The following RANBP2 variants were observed in gnomAD, a reference collection of about 807,000 sequenced individuals.
RANBP2 encodes E3 SUMO-protein ligase RanBP2.
In RANBP2, 57 loss-of-function variants were observed where a neutral mutation model predicts 303.6. The observed-to-expected ratio is 0.19, with a 90% CI of 0.15 to 0.23. The LOEUF is 0.23. Ranked by LOEUF, RANBP2 falls within the 10% of genes least tolerant of loss-of-function variation. RANBP2 has a pLI of 1.00. For missense variants in RANBP2, 3,138 were observed against 3,780.8 expected (o/e 0.83, Z 4.46); for synonymous variants, 1,167 against 1,301.5 (o/e 0.90, Z 2.23).
the RANBP2 span, chr2:109,399,026 T>C: frequency 7.2e-7 from 1 of 1,396,264 alleles, no homozygotes; most frequent in South Asian, 1.4e-5. Flanking sequence ...CCCCCGTTCC[T>C]CAACTAGCAT....
chr2:109,044,834 C>G, the RANBP2 span, among the ~76,000 whole-genome samples: 2 of 152,086 alleles, frequency 1.3e-5, no homozygotes, highest in African/African-American at 4.8e-5. Context: ...ATCTGAAAAG[C>G]AGGGCTTTAA....
the RANBP2 span, among the ~76,000 whole-genome samples, chr2:109,418,792 C>G: frequency 1.3e-5 from 2 of 152,196 alleles, no homozygotes; most frequent in Non-Finnish European, 2.9e-5. Flanking sequence ...AGGACACTGT[C>G]CTAGGGAAGG....
At chr2:108,794,558 C>A in the RANBP2 span, 2 of 1,609,542 alleles carry the variant, frequency 1.2e-6, no homozygotes, top group East Asian at 2.2e-5. Context: ...CCAACTAATA[C>A]GACCTCATCG....
At chr2:109,184,440 G>A in the RANBP2 span, among the ~76,000 whole-genome samples, 1 of 152,232 alleles carries the variant, frequency 6.6e-6, no homozygotes, top group Non-Finnish European at 1.5e-5. Flanking sequence ...TGCTATTGCT[G>A]TGGCGGGGCC....
At chr2:109,501,548 C>T in the RANBP2 span, 47 of 779,396 alleles carry the variant, frequency 6.0e-5, no homozygotes, top group South Asian at 4.5e-4. Context: ...AGGCGGAGAT[C>T]GAGCTGAAGG....
chr2:108,732,717 C>T (rs1296603705), intron 4 of RANBP2, among the ~76,000 whole-genome samples: 2 of 152,212 alleles, frequency 1.3e-5, no homozygotes, highest in African/African-American at 4.8e-5. Context: ...ATTTACTTCT[C>T]TTCACTATGC....
chr2:109,466,136 G>A, the RANBP2 span, among the ~76,000 whole-genome samples: 117 of 130,402 alleles, frequency 9.0e-4, no homozygotes, highest in African/African-American at 3.3e-3. Context: ...CTGGAGTGCA[G>A]CAGTGCTATC....
chr2:108,773,990 ATG>A (rs1677697687), intron 23 of RANBP2, among the ~76,000 whole-genome samples: 1 of 152,206 alleles, frequency 6.6e-6, no homozygotes, highest in Non-Finnish European at 1.5e-5. Flanking sequence ...TAAAATTTCT[ATG>A]GTAAGAAAAG....
chr2:109,136,851 C>A, the RANBP2 span, among the ~76,000 whole-genome samples: 1 of 152,272 alleles, frequency 6.6e-6, no homozygotes, highest in Admixed American at 6.5e-5. Context: ...ACCGGGGCAC[C>A]TGTAAATGTG....
the RANBP2 span, among the ~76,000 whole-genome samples, chr2:109,153,094 G>A: frequency 1.3e-5 from 2 of 152,158 alleles, no homozygotes; most frequent in African/African-American, 4.8e-5. Flanking sequence ...TGAAGCTTTT[G>A]TCAGAAAACC....
At chr2:109,152,221 G>T in the RANBP2 span, among the ~76,000 whole-genome samples, 1 of 152,228 alleles carries the variant, frequency 6.6e-6, no homozygotes, top group Admixed American at 6.5e-5. Flanking sequence ...CACCTGTCAG[G>T]TGGTTCATTT....
downstream of RANBP2, among the ~76,000 whole-genome samples, chr2:108,786,306 G>A (rs1216988081): frequency 7.0e-6 from 1 of 143,736 alleles, no homozygotes; most frequent in Non-Finnish European, 1.5e-5. Context: ...TGTTACCCAA[G>A]ATAGATGTAA....
chr2:109,006,649 CA>C, the RANBP2 span, among the ~76,000 whole-genome samples: 1 of 152,148 alleles, frequency 6.6e-6, no homozygotes, highest in Non-Finnish European at 1.5e-5. Context: ...ACCCTGGGAA[CA>C]AAGACTAAAT....
At chr2:109,768,672 T>TC in the RANBP2 span, among the ~76,000 whole-genome samples, 1 of 114,694 alleles carries the variant, frequency 8.7e-6, no homozygotes, top group Non-Finnish European at 1.9e-5. Context: ...AATTTGCATT[T>TC]CCTTCTCCCT....
At chr2:108,957,715 C>T in the RANBP2 span, among the ~76,000 whole-genome samples, 3 of 152,256 alleles carry the variant, frequency 2.0e-5, no homozygotes, top group African/African-American at 7.2e-5. Context: ...CCAGGCGAGG[C>T]TAGTGGAGGT....
At chr2:109,271,806 T>G in the RANBP2 span, among the ~76,000 whole-genome samples, 1 of 152,234 alleles carries the variant, frequency 6.6e-6, no homozygotes, top group African/African-American at 2.4e-5. Flanking sequence ...TGACTATCTT[T>G]AAAATGCTGT....
At chr2:109,607,223 T>C in the RANBP2 span, among the ~76,000 whole-genome samples, 4 of 152,224 alleles carry the variant, frequency 2.6e-5, no homozygotes, top group Non-Finnish European at 2.9e-5. Context: ...AGTAAGCTGC[T>C]TGGAGTAAGA....
the RANBP2 span, among the ~76,000 whole-genome samples, chr2:109,458,273 A>G: frequency 6.6e-5 from 10 of 152,148 alleles, no homozygotes; most frequent in African/African-American, 2.4e-4. Context: ...TTTTCAGAGG[A>G]TTCACACTCT....
At chr2:109,252,442 CT>C in the RANBP2 span, among the ~76,000 whole-genome samples, 1 of 152,062 alleles carries the variant, frequency 6.6e-6, no homozygotes, top group African/African-American at 2.4e-5. Context: ...TAAGCTTTGT[CT>C]TTTTACAGGC....
Sources: gnomAD v4.1 joint callset for allele counts (sites outside exome capture counted in the v4.1 genomes callset) on GRCh38, gnomAD v4.1.1 for gene constraint, MANE v1.5 for transcripts, NCBI Gene and HGNC (gene_info 2026-07-23, HGNC 2026-07-21) for gene names.